The following MAGI2 variants were observed in gnomAD, a reference collection of about 807,000 sequenced individuals.
MAGI2 encodes membrane associated guanylate kinase, WW and PDZ domain containing 2.
A neutral mutation model predicts 133.3 loss-of-function variants in MAGI2; 35 were observed. That is an observed-to-expected ratio of 0.26 (90% confidence interval 0.20 to 0.35). The LOEUF (loss-of-function observed/expected upper bound fraction) is 0.35, where lower values mean the gene tolerates loss of function less well. Ranked by LOEUF, MAGI2 falls within the 10% of genes least tolerant of loss-of-function variation. The pLI is 1.00. For missense variants in MAGI2, 1,636 were observed against 1,863.4 expected (o/e 0.88, Z 2.25); for synonymous variants, 729 against 710.6 (o/e 1.03, Z -0.41).
intron 1 of MAGI2, among the ~76,000 whole-genome samples, chr7:79,451,207 T>C (rs749105199): frequency 6.6e-6 from 1 of 152,202 alleles, no homozygotes; most frequent in Non-Finnish European, 1.5e-5. Context: ...TTGCAAACTA[T>C]AATAGGGCAT....
At chr7:78,446,106 G>T (rs1788109091) in intron 6 of MAGI2, among the ~76,000 whole-genome samples, 1 of 150,688 alleles carries the variant, frequency 6.6e-6, no homozygotes, top group African/African-American at 2.4e-5. Context: ...TTTTTTTAAA[G>T]AAATTATGTT....
intron 1 of MAGI2, among the ~76,000 whole-genome samples, chr7:79,384,718 T>C (rs1585787940): frequency 1.3e-5 from 2 of 151,676 alleles, no homozygotes; most frequent in South Asian, 2.1e-4. Context: ...CTCCATAAAG[T>C]AGTTTAAAAA....
intron 1 of MAGI2, among the ~76,000 whole-genome samples, chr7:79,142,722 C>T (rs562374915): frequency 5.9e-5 from 9 of 152,306 alleles, no homozygotes; most frequent in Admixed American, 5.9e-4. Context: ...ACTTGCCTGA[C>T]ACTCTACCGT....
At chr7:78,093,136 CAAAAA>C (rs1157039018) in intron 20 of MAGI2, among the ~76,000 whole-genome samples, 376 of 32,320 alleles carry the variant, frequency 0.012, 10 homozygotes, top group African/African-American at 0.053. Flanking sequence ...ACTCCTTCTC[CAAAAA>C]AAAAAAAAAA....
At chr7:79,325,552 C>A (rs1323500425) in intron 1 of MAGI2, among the ~76,000 whole-genome samples, 1 of 152,140 alleles carries the variant, frequency 6.6e-6, no homozygotes, top group Admixed American at 6.6e-5. Context: ...GAAGAGTTAA[C>A]TGTTGCTTTC....
intron 2 of MAGI2, among the ~76,000 whole-genome samples, chr7:78,840,163 C>T (rs1486876733): frequency 6.6e-6 from 1 of 151,856 alleles, no homozygotes; most frequent in African/African-American, 2.4e-5. Context: ...CCAATGTTTA[C>T]CAAGTGGGAA....
At chr7:78,083,903 T>G (rs73706514) in intron 20 of MAGI2, among the ~76,000 whole-genome samples, 16,860 of 152,294 alleles carry the variant, frequency 0.11, 1,107 homozygotes, top group African/African-American at 0.17. Flanking sequence ...AACTCTGTAC[T>G]GTATGCATTT....
At chr7:79,090,699 G>C (rs184278705) in intron 1 of MAGI2, among the ~76,000 whole-genome samples, 40 of 152,286 alleles carry the variant, frequency 2.6e-4, no homozygotes, top group African/African-American at 9.1e-4. Flanking sequence ...ACAGCTGATA[G>C]ATGACAATGC....
intron 2 of MAGI2, among the ~76,000 whole-genome samples, chr7:78,992,360 A>G (rs1385928502): frequency 1.3e-5 from 2 of 152,068 alleles, no homozygotes; most frequent in South Asian, 2.1e-4. Flanking sequence ...TGTGTACATA[A>G]TAGCTCTCAT....
chr7:78,409,900 CA>C (rs1797714306), intron 6 of MAGI2, among the ~76,000 whole-genome samples: 1 of 151,878 alleles, frequency 6.6e-6, no homozygotes. Context: ...GTCATATTAA[CA>C]GGAAAATAAT....
chr7:78,950,273 T>TA (rs1801759381), intron 2 of MAGI2, among the ~76,000 whole-genome samples: 1 of 152,198 alleles, frequency 6.6e-6, no homozygotes, highest in Non-Finnish European at 1.5e-5. Context: ...TATCCCTATC[T>TA]AAATGATTCC....
chr7:79,069,795 G>A (rs536772266), intron 1 of MAGI2, among the ~76,000 whole-genome samples: 2 of 152,288 alleles, frequency 1.3e-5, no homozygotes, highest in East Asian at 3.9e-4. Flanking sequence ...TGAAAGGCAG[G>A]CCTGGTGGTG....
intron 6 of MAGI2, among the ~76,000 whole-genome samples, chr7:78,465,347 T>C (rs754327333): frequency 6.6e-6 from 1 of 152,200 alleles, no homozygotes; most frequent in Non-Finnish European, 1.5e-5. Flanking sequence ...ATAGAGACTA[T>C]GTCTAGATAG....
chr7:79,051,464 G>A (rs1357609074), intron 1 of MAGI2, among the ~76,000 whole-genome samples: 1 of 152,092 alleles, frequency 6.6e-6, no homozygotes, highest in Non-Finnish European at 1.5e-5. Flanking sequence ...TCATAGCTCA[G>A]TGCAACATGT....
chr7:78,084,536 C>A (rs1051415253), intron 20 of MAGI2, among the ~76,000 whole-genome samples: 1 of 152,220 alleles, frequency 6.6e-6, no homozygotes, highest in Non-Finnish European at 1.5e-5. Flanking sequence ...TGAAATACTG[C>A]CTTACGCAGT....
intron 2 of MAGI2, among the ~76,000 whole-genome samples, chr7:78,630,145 T>C (rs1048509017): frequency 6.6e-6 from 1 of 152,024 alleles, no homozygotes; most frequent in Non-Finnish European, 1.5e-5. Context: ...AGCTGATTAC[T>C]TTGTTTAACC....
intron 2 of MAGI2, among the ~76,000 whole-genome samples, chr7:78,894,745 A>G (rs1019492806): frequency 5.3e-5 from 8 of 152,202 alleles, no homozygotes; most frequent in African/African-American, 1.7e-4. Context: ...ATTTTAAAAA[A>G]TATTCTGAAT....
chr7:79,254,615 C>T (rs1563050106), intron 1 of MAGI2, among the ~76,000 whole-genome samples: 1 of 152,022 alleles, frequency 6.6e-6, no homozygotes, highest in African/African-American at 2.4e-5. Context: ...CCAGCCTATC[C>T]CAGTGAACAA....
chr7:78,356,074 C>CT (rs1792047625), intron 7 of MAGI2, among the ~76,000 whole-genome samples: 1 of 152,118 alleles, frequency 6.6e-6, no homozygotes, highest in African/African-American at 2.4e-5. Flanking sequence ...TTCAGCTTCC[C>CT]TTAGGGCAAG....
Sources: allele counts gnomAD v4.1 joint callset (sites outside exome capture counted in the v4.1 genomes callset), GRCh38; gene constraint gnomAD v4.1.1; transcripts MANE v1.5; gene names NCBI Gene and HGNC (gene_info 2026-07-23, HGNC 2026-07-21).